The following TUBA3C variants were observed in gnomAD, a reference collection of about 807,000 sequenced individuals.
TUBA3C encodes tubulin alpha-3C chain.
Under a neutral mutation model 33.4 loss-of-function variants are expected in TUBA3C, and 23 were observed. The observed-to-expected ratio is 0.69, with a 90% CI of 0.50 to 0.98. The LOEUF (loss-of-function observed/expected upper bound fraction) is 0.98. Ranked by LOEUF, TUBA3C falls within the 50% of genes least tolerant of loss-of-function variation. The pLI is 0.00. For missense variants in TUBA3C, 402 were observed against 616.0 expected (o/e 0.65, Z 3.68); for synonymous variants, 269 against 250.4 (o/e 1.07, Z -0.70).
rs547638164 is a variant in TUBA3C at position 19,178,227 on chromosome 13, T to C, written c.375+19A>G. 1 of 1,613,932 alleles carries C rather than the reference T, an allele frequency of 6.2e-7. No homozygotes were observed. Among genetic ancestry groups the C allele is most frequent in the East Asian group, 2.2e-5 (1 of 44,878 alleles). On this transcript the variant is annotated intron_variant, in intron 3 of 4. Transcript: ENST00000400113. ...CCTCCTGTGCAGGACAATGGTCACA[T>C]GAAGCCTTCTCTTCTTACCAGTTTG...
At position 19,177,721 on chromosome 13, in the gene TUBA3C, A is replaced by G; in HGVS notation, c.376-114T>C. On this transcript the variant is annotated intron_variant, in intron 3 of 4. Coordinates refer to ENST00000400113, the MANE Select transcript of TUBA3C (RefSeq NM_006001.3). This position sits in a 1 kb window ranked among gnomAD's most constrained non-coding sequence, Gnocchi z 5.0. The stretch of plus-strand genomic sequence containing the variant: ...GACTTGATATGGATTCCAATCATCC[A>G]TAATAAACACGCAGTACACTCTGAA... 6.0e-6 allele frequency: 8 copies of G among 1,332,528 alleles called. No individual in the cohort carries two copies. The highest frequency in any genetic ancestry group is 8.1e-6 in the Non-Finnish European group (8 of 986,138). 82.5% of individuals were successfully genotyped at this position (1,332,528 alleles called of 1,614,324 possible). A position where few individuals can be genotyped will look rare whatever the true frequency, so the allele number is the denominator to read the frequency against.
At position 19,179,572 on chromosome 13, in the gene TUBA3C, C is replaced by G. The variant is rs749161605; in HGVS notation, c.4-9G>C. On this transcript the variant is annotated splice_polypyrimidine_tract_variant and intron_variant, in intron 1 of 4. Coordinates refer to ENST00000400113, the MANE Select transcript of TUBA3C (RefSeq NM_006001.3). ...ATAGAGATACACTCACGCTGTGAAC[C>G]AGAACATAAATGTAGACCCATTCAT... 12 of 1,613,102 alleles carry G rather than the reference C, an allele frequency of 7.4e-6. No homozygotes were observed. Among genetic ancestry groups the G allele is most frequent in the Middle Eastern group, 1.7e-4 (1 of 6,054 alleles).
intron 1 of TUBA3C, among the ~76,000 whole-genome samples, chr13:19,180,507 A>T (rs555523721): frequency 4.0e-4 from 60 of 148,710 alleles, no homozygotes; most frequent in Admixed American, 7.3e-4. Flanking sequence ...TATGAAAAAA[A>T]ATTTTTTTTT....
intron 2 of TUBA3C, among the ~76,000 whole-genome samples, chr13:19,178,949 G>A (rs183814872): frequency 1.3e-5 from 2 of 152,176 alleles, no homozygotes; most frequent in Non-Finnish European, 2.9e-5. Context: ...GCAAATGACT[G>A]TTCTGTACTT....
rs912183923 is a variant in TUBA3C at position 19,180,198 on chromosome 13, C to T, written c.4-635G>A. On this transcript the variant is annotated intron_variant, in intron 1 of 4. Transcript: ENST00000400113. The stretch of plus-strand genomic sequence containing the variant: ...GCGTCAGGGTACTCTCCCCTTGGCC[C>T]CTTCCTGCTCACCTTTCATGGGCGA... Among the ~76,000 whole-genome samples, 5 of 152,146 alleles carry T rather than the reference C, an allele frequency of 3.3e-5. No individual in the cohort carries two copies. In the South Asian group the frequency reaches 1.0e-3, roughly 32 times the overall value.
In TUBA3C at chr13:19,181,799, C is replaced by T. The variant is rs548200582; in HGVS notation, c.-52G>A. On this transcript the variant is annotated 5_prime_UTR_variant, in exon 1 of 5. Coordinates refer to ENST00000400113, the MANE Select transcript of TUBA3C (RefSeq NM_006001.3). Reference sequence around the variant, plus strand: ...AACGCTACTACTTGACCTCAACCGCCGCTGCAGCTGCGCACGCCCAACGAC... The same window carrying T: ...AACGCTACTACTTGACCTCAACCGCTGCTGCAGCTGCGCACGCCCAACGAC... The T allele has an allele frequency of 2.1e-4, 335 of 1,597,390 alleles. 1 individual carries two copies. Among genetic ancestry groups the T allele is most frequent in the Admixed American group, 5.0e-4 (30 of 59,838 alleles).
In TUBA3C at chr13:19,174,071, G is replaced by A. The variant is rs200139610; in HGVS notation, c.1145C>T (p.Thr382Met). ...QRAVCMLSNT[T>M]AIAEAWARLD... ...GCGAGCCCAGGCCTCCGCGATGGCC[G>A]TGGTGTTGCTCAGCATGCACACAGC... is the stretch of plus-strand genomic sequence containing the variant. The change falls in exon 5 of 5, where the codon ACG becomes ATG. Residue 382 changes from threonine to methionine, a missense_variant. Transcript: ENST00000400113. 3.9e-5 allele frequency: 63 copies of A among 1,613,830 alleles called. No homozygotes were observed. Among genetic ancestry groups the A allele is most frequent in the Non-Finnish European group, 4.6e-5 (54 of 1,180,026 alleles).
chr13:19,179,946 T>G (rs1049417447), intron 1 of TUBA3C, among the ~76,000 whole-genome samples: 26 of 152,094 alleles, frequency 1.7e-4, no homozygotes, highest in South Asian at 4.2e-4. Context: ...TGGGGTTGGG[T>G]AAGGAAATAG....
At position 19,179,337 on chromosome 13, in the gene TUBA3C, C is replaced by T. The variant is rs1316145202; in HGVS notation, c.226+4G>A. The T allele has an allele frequency of 1.2e-6, 2 of 1,613,970 alleles. No individual in the cohort carries two copies. The highest frequency in any genetic ancestry group is 1.7e-6 in the Non-Finnish European group (2 of 1,179,846). On this transcript the variant is annotated splice_donor_region_variant and intron_variant, in intron 2 of 4. Coordinates refer to ENST00000400113, the MANE Select transcript of TUBA3C (RefSeq NM_006001.3). ...AAGCTGCCATCCAGGACCCGAGCAC[C>T]TACCGACCACAGTGGGCTCCAGGTC... is the stretch of plus-strand genomic sequence containing the variant.
At chr13:19,179,870 A>T in intron 1 of TUBA3C, among the ~76,000 whole-genome samples, 1 of 152,240 alleles carries the variant, frequency 6.6e-6, no homozygotes, top group East Asian at 1.9e-4. Context: ...CATTATAGCC[A>T]GTCACAGTAA....
intron 4 of TUBA3C, among the ~76,000 whole-genome samples, chr13:19,174,945 C>T (rs369034425): frequency 6.6e-6 from 1 of 151,960 alleles, no homozygotes; most frequent in Non-Finnish European, 1.5e-5. Context: ...CAGAGCAAGA[C>T]CCTGTCTCAA....
At position 19,177,712 on chromosome 13, in the gene TUBA3C, C is replaced by T. The variant is rs1032470421; in HGVS notation, c.376-105G>A. 15 of 1,376,942 alleles carry T rather than the reference C, an allele frequency of 1.1e-5. No homozygotes were observed. In the South Asian group the frequency reaches 1.3e-4, roughly 12 times the overall value. 85.3% of individuals were successfully genotyped at this position (1,376,942 alleles called of 1,614,324 possible). A position where few individuals can be genotyped will look rare whatever the true frequency, so the allele number is the denominator to read the frequency against. On this transcript the variant is annotated intron_variant, in intron 3 of 4. Transcript: ENST00000400113. The surrounding 1 kb of genome is among the most constrained non-coding windows in gnomAD (Gnocchi z 5.0). ...GCCTCTGAAGACTTGATATGGATTC[C>T]AATCATCCATAATAAACACGCAGTA... is the stretch of plus-strand genomic sequence containing the variant.
At position 19,179,510 on chromosome 13, in the gene TUBA3C, G is replaced by A. The variant is rs1869326153; in HGVS notation, c.57C>T (p.Ala19=). ...GTTCCAGGCAGTACAGTTCCCAGCA[G>A]GCATTGCCGATCTGGACTCCTGCCT... ...VGQAGVQIGN[A]CWELYCLEHG... Residue 19 remains alanine, a synonymous_variant, in exon 2 of 5, where the codon GCC becomes GCT. Coordinates refer to ENST00000400113, the MANE Select transcript of TUBA3C (RefSeq NM_006001.3). The A allele has an allele frequency of 1.2e-6, 2 of 1,614,198 alleles. No individual in the cohort carries two copies. Among genetic ancestry groups the A allele is most frequent in the Middle Eastern group, 1.6e-4 (1 of 6,062 alleles).
chr13:19,176,506 C>T (rs561374206), intron 4 of TUBA3C, among the ~76,000 whole-genome samples: 1 of 152,136 alleles, frequency 6.6e-6, no homozygotes, highest in South Asian at 2.1e-4. Context: ...CTAACCCCAG[C>T]ACTTTGGGTG....
chr13:19,181,085 C>G (rs1869398018), intron 1 of TUBA3C, among the ~76,000 whole-genome samples: 1 of 149,054 alleles, frequency 6.7e-6, no homozygotes, highest in South Asian at 2.1e-4. Flanking sequence ...CAGGGTCTCT[C>G]TCTGTCGCAC....
At chr13:19,175,874 G>C (rs1186997468) in intron 4 of TUBA3C, among the ~76,000 whole-genome samples, 1 of 152,106 alleles carries the variant, frequency 6.6e-6, no homozygotes. Context: ...CTCCTCAGTA[G>C]CTGGGATTAC....
In TUBA3C at chr13:19,179,585, T is replaced by C. The variant is rs907925651; in HGVS notation, c.4-22A>G. ...CACGCTGTGAACCAGAACATAAATGTAGACCCATTCATTTCAAGGCAACTT... is the reference window on the plus strand; with the variant it reads ...CACGCTGTGAACCAGAACATAAATGCAGACCCATTCATTTCAAGGCAACTT... On this transcript the variant is annotated intron_variant, in intron 1 of 4. Transcript: ENST00000400113. 3.7e-6 allele frequency: 6 copies of C among 1,605,420 alleles called. No homozygotes were observed. In the African/African-American group the frequency reaches 8.0e-5, roughly 21 times the overall value.
At chr13:19,174,436 T>TC (rs1387290759) in intron 4 of TUBA3C, among the ~76,000 whole-genome samples, 3 of 132,026 alleles carry the variant, frequency 2.3e-5, no homozygotes, top group South Asian at 5.0e-4. Context: ...GCCCAGCATT[T>TC]TTTTTTTTTT....
Position 19,177,305 on chromosome 13 carries a change from G to A in TUBA3C, c.678C>T (p.Asn226=). ...CGATCTGCCCAATCAGGCGATTGAG[G>A]TTGGTGTACGTGGGACGCTCGATGT... The part of the protein sequence containing the change: ...NLDIERPTYT[N]LNRLIGQIVS... The change falls in exon 4 of 5, where the codon AAC becomes AAT. Residue 226 remains asparagine (N), a synonymous_variant. Transcript: ENST00000400113. This position sits in a 1 kb window ranked among gnomAD's most constrained non-coding sequence, Gnocchi z 5.0. The A allele has an allele frequency of 6.2e-7, 1 of 1,614,158 alleles. No homozygotes were observed. The highest frequency in any genetic ancestry group is 8.5e-7 in the Non-Finnish European group (1 of 1,180,028).
Sources: allele counts gnomAD v4.1 joint callset (sites outside exome capture counted in the v4.1 genomes callset), GRCh38; gene constraint gnomAD v4.1.1; non-coding constraint Gnocchi (gnomAD v3.1); transcripts MANE v1.5; gene names NCBI Gene and HGNC (gene_info 2026-07-23, HGNC 2026-07-21).